Variants in ATP2B1 observed in about 807,000 individuals in gnomAD.
The protein encoded by ATP2B1 is plasma membrane calcium-transporting ATPase 1.
Under a neutral mutation model 124.2 loss-of-function variants are expected in ATP2B1, and 14 were observed. That is an observed-to-expected ratio of 0.11 (90% confidence interval 0.07 to 0.18). The LOEUF (loss-of-function observed/expected upper bound fraction) is 0.18. Ranked by LOEUF, ATP2B1 falls within the 10% of genes least tolerant of loss-of-function variation. The pLI, the probability that ATP2B1 is intolerant of heterozygous loss-of-function variation, is 1.00. For synonymous variants in ATP2B1, 449 were observed against 492.4 expected (o/e 0.91, Z 1.17); for missense variants, 763 against 1,466.1 (o/e 0.52, Z 7.83).
chr12:89,616,835 A>G lies in ATP2B1; in HGVS notation c.2034T>C (p.Ala678=), dbSNP rs1396144969. 1 of 1,613,880 alleles carries G rather than the reference A, an allele frequency of 6.2e-7. No individual in the cohort carries two copies. The highest frequency in any genetic ancestry group is 8.5e-7 in the Non-Finnish European group (1 of 1,179,910). ...NDIVTGLTCI[A]VVGIEDPVRP... is the part of the protein sequence containing the mutation. ...TCACAGGATCTTCAATCCCCACAACAGCAATGCATGTAAGGCCGGTGACAA... is the reference window on the plus strand; with the variant it reads ...TCACAGGATCTTCAATCCCCACAACGGCAATGCATGTAAGGCCGGTGACAA... Residue 678 remains alanine (A), a synonymous_variant, in exon 12 of 21, where the codon GCT becomes GCC. Transcript: ENST00000428670.
In ATP2B1 at chr12:89,603,525, T is replaced by G; in HGVS notation, c.2848+187A>C. On this transcript the variant is annotated intron_variant, in intron 17 of 20. Transcript: ENST00000428670. This position sits in a 1 kb window ranked among gnomAD's most constrained non-coding sequence, Gnocchi z 4.3. ...TCAGGACTGTTTATTCTCCTGTTTA[T>G]TCTACTATCTAGCTTATTGTCCTCC... 1.5e-6 allele frequency: 1 copy of G among 662,672 alleles called. No individual in the cohort carries two copies. Among genetic ancestry groups the G allele is most frequent in the Admixed American group, 2.9e-5 (1 of 34,222 alleles). 41.0% of individuals were successfully genotyped at this position (662,672 alleles called of 1,614,324 possible). A position where few individuals can be genotyped will look rare whatever the true frequency, so the allele number is the denominator to read the frequency against.
At chr12:89,604,108 T>C (rs1876394083) in intron 16 of ATP2B1, 47 bp downstream of exon 16, 1 of 1,558,512 alleles carries the variant, frequency 6.4e-7, no homozygotes. Context: ...TTAATATACT[T>C]TTTAAATTTA....
At chr12:89,616,187 C>T (rs1032705447) in intron 12 of ATP2B1, among the ~76,000 whole-genome samples, 2 of 151,934 alleles carry the variant, frequency 1.3e-5, no homozygotes, top group African/African-American at 4.8e-5. Flanking sequence ...GTCTCTAGTA[C>T]CTTAGGATAG....
chr12:89,700,738 T>G (rs1252292991), intron 1 of ATP2B1, among the ~76,000 whole-genome samples: 1 of 152,170 alleles, frequency 6.6e-6, no homozygotes, highest in African/African-American at 2.4e-5. Flanking sequence ...ACCAACAATT[T>G]TATTATGATT....
In ATP2B1 at chr12:89,624,487, A is replaced by G. The variant is rs757620207; in HGVS notation, c.1130-90T>C. 24 of 1,050,988 alleles carry G rather than the reference A, an allele frequency of 2.3e-5. No individual in the cohort carries two copies. The South Asian group carries it at 3.3e-4, about 15-fold the overall frequency. The allele number at this position is 1,050,988 out of a possible 1,614,324, so 65.1% of individuals were successfully genotyped here. A position where few individuals can be genotyped will look rare whatever the true frequency, so the allele number is the denominator to read the frequency against. ...TATAAATTAAACACTGTAAAGAGTT[A>G]TAACTTGCTTGATAGTATTGAATTT... On this transcript the variant is annotated intron_variant, in intron 8 of 20. Transcript: ENST00000428670.
chr12:89,684,953 T>A (rs971391011), intron 1 of ATP2B1, among the ~76,000 whole-genome samples: 1 of 152,180 alleles, frequency 6.6e-6, no homozygotes, highest in Non-Finnish European at 1.5e-5. Context: ...TGGAGCACAA[T>A]CCAATTTTAG....
chr12:89,697,240 A>T (rs912640703), intron 1 of ATP2B1, among the ~76,000 whole-genome samples: 1 of 152,166 alleles, frequency 6.6e-6, no homozygotes, highest in Admixed American at 6.5e-5. Context: ...AAATGTCTTT[A>T]TATGTCTTTA....
intron 1 of ATP2B1, among the ~76,000 whole-genome samples, chr12:89,658,420 A>C (rs35489031): frequency 6.6e-6 from 1 of 152,240 alleles, no homozygotes; most frequent in Non-Finnish European, 1.5e-5. Flanking sequence ...AAGGTTTAAA[A>C]GCCTACTGGA....
intron 9 of ATP2B1, among the ~76,000 whole-genome samples, chr12:89,623,852 G>A (rs1429922504): frequency 6.6e-6 from 1 of 151,938 alleles, no homozygotes; most frequent in Non-Finnish European, 1.5e-5. Flanking sequence ...AGCCTAACAC[G>A]CTCACCTTAA....
intron 1 of ATP2B1, among the ~76,000 whole-genome samples, chr12:89,666,746 G>C (rs1432767646): frequency 6.6e-6 from 1 of 151,960 alleles, no homozygotes; most frequent in Non-Finnish European, 1.5e-5. Context: ...ATGATCCACG[G>C]ACATATCTCT....
At chr12:89,636,783 T>C (rs1038184281) in intron 3 of ATP2B1, among the ~76,000 whole-genome samples, 1 of 152,108 alleles carries the variant, frequency 6.6e-6, no homozygotes, top group Admixed American at 6.6e-5. Context: ...GATTCAACTG[T>C]GAGGTACAAG....
At chr12:89,625,321 C>T (rs780049088) in intron 8 of ATP2B1, among the ~76,000 whole-genome samples, 17 of 151,750 alleles carry the variant, frequency 1.1e-4, no homozygotes, top group Non-Finnish European at 2.1e-4. Flanking sequence ...CAGTGGCTCA[C>T]GCCTGTAATC....
Position 89,590,794 on chromosome 12 carries a change from A to G in ATP2B1, c.*190T>C. On this transcript the variant is annotated 3_prime_UTR_variant, in exon 21 of 21. Coordinates refer to ENST00000428670, the MANE Select transcript of ATP2B1 (RefSeq NM_001366521.1). The stretch of plus-strand genomic sequence containing the variant: ...TCAGTTCATTTCTCCCACCCCCCAA[A>G]AAGCACCCTCAGTCTGGCAGAAAGC... The G allele has an allele frequency of 1.6e-6, 1 of 614,456 alleles. No homozygotes were observed. The highest frequency in any genetic ancestry group is 2.7e-6 in the Non-Finnish European group (1 of 370,000). 38.1% of individuals were successfully genotyped at this position (614,456 alleles called of 1,614,324 possible). A position where few individuals can be genotyped will look rare whatever the true frequency, so the allele number is the denominator to read the frequency against.
intron 1 of ATP2B1, among the ~76,000 whole-genome samples, chr12:89,682,822 C>T (rs964105720): frequency 5.9e-5 from 9 of 152,170 alleles, no homozygotes; most frequent in Non-Finnish European, 1.3e-4. Flanking sequence ...AGAGGTATTA[C>T]ATAAGCGTGA....
intron 1 of ATP2B1, among the ~76,000 whole-genome samples, chr12:89,695,185 A>G (rs1043308518): frequency 1.3e-5 from 2 of 152,210 alleles, no homozygotes; most frequent in Admixed American, 6.5e-5. Flanking sequence ...AGCTGGAAAC[A>G]ATATACCCCT....
intron 19 of ATP2B1, 87 bp downstream of exon 19, chr12:89,601,239 A>G (rs1875779021): frequency 2.1e-6 from 2 of 940,568 alleles, no homozygotes; most frequent in Non-Finnish European, 3.3e-6. Context: ...TTTAGAATCA[A>G]GTAATGAAAC....
chr12:89,607,771 G>A (rs1161091529), intron 15 of ATP2B1, among the ~76,000 whole-genome samples: 1 of 152,036 alleles, frequency 6.6e-6, no homozygotes, highest in African/African-American at 2.4e-5. Flanking sequence ...ATATTATTTA[G>A]GGAATCATGA....
At position 89,696,294 on chromosome 12, in the gene ATP2B1, A is replaced by G. The variant is rs142725037; in HGVS notation, c.-222+12302T>C. Among the ~76,000 whole-genome samples, 100 of 152,362 alleles carry G rather than the reference A, an allele frequency of 6.6e-4. 1 individual carries two copies. The highest frequency in any genetic ancestry group is 6.8e-3 in the Middle Eastern group (2 of 294). ...AGGAGACTGGAAGAAAATTTTAGTC[A>G]TAAGACCACAAACTACCAAAATCCT... is the stretch of plus-strand genomic sequence containing the variant. On this transcript the variant is annotated intron_variant, in intron 1 of 20. Transcript: ENST00000428670.
Position 89,611,309 on chromosome 12 carries a change from T to C in ATP2B1, c.2131A>G (p.Asn711Asp). ...GCAATGGCCCGAGCAGTATTAATAT[T>C]ATCACCAGTGACCATCCGCACAGTA... ...GITVRMVTGD[N>D]INTARAIATK... The change falls in exon 13 of 21, where the codon AAT becomes GAT. Residue 711 changes from asparagine (N) to aspartate (D), a missense_variant. Around this residue, in one of 7 missense-constraint regions of ATP2B1, gnomAD observed 392 missense variants for 776.6 expected, o/e 0.50. Transcript: ENST00000428670. 1.2e-6 allele frequency: 2 copies of C among 1,603,296 alleles called. No homozygotes were observed. The highest frequency in any genetic ancestry group is 1.7e-6 in the Non-Finnish European group (2 of 1,175,212).
Sources: gnomAD v4.1 joint callset for allele counts (sites outside exome capture counted in the v4.1 genomes callset) on GRCh38, gnomAD v4.1.1 for gene constraint, gnomAD v4.1.1 regional missense constraint, Gnocchi (gnomAD v3.1) non-coding constraint, MANE v1.5 for transcripts, NCBI Gene and HGNC (gene_info 2026-07-23, HGNC 2026-07-21) for gene names.